PAPPA: variants seen among roughly 807,000 people sequenced by gnomAD.
The protein encoded by PAPPA is pappalysin 1, also known as pappalysin-1.
Under a neutral mutation model 164.0 loss-of-function variants are expected in PAPPA, and 60 were observed. That is an observed-to-expected ratio of 0.37 (90% CI 0.30 to 0.45). The LOEUF (loss-of-function observed/expected upper bound fraction) is 0.45. Ranked by LOEUF, PAPPA falls within the 20% of genes least tolerant of loss-of-function variation. The pLI is 1.00. For synonymous variants in PAPPA, 875 were observed against 814.1 expected (o/e 1.07, Z -1.27); for missense variants, 1,782 against 2,087.3 (o/e 0.85, Z 2.85).
chr9:116,261,944 G>A (rs1306088566), intron 7 of PAPPA, among the ~76,000 whole-genome samples: 3 of 151,818 alleles, frequency 2.0e-5, no homozygotes, highest in African/African-American at 7.3e-5. Context: ...CAGGCACAGT[G>A]GCTCATGCCT....
At chr9:116,264,119 T>A (rs144357157) in intron 7 of PAPPA, among the ~76,000 whole-genome samples, 1 of 152,186 alleles carries the variant, frequency 6.6e-6, no homozygotes, top group African/African-American at 2.4e-5. Context: ...ATTTATCATG[T>A]AACTTTGTGT....
chr9:116,289,066 C>T (rs1845380968), intron 9 of PAPPA, among the ~76,000 whole-genome samples: 1 of 148,732 alleles, frequency 6.7e-6, no homozygotes, highest in African/African-American at 2.5e-5. Context: ...TATGCATGCC[C>T]TATCAGAATG....
chr9:116,220,094 G>A lies in PAPPA; in HGVS notation c.2076G>A (p.Glu692=), dbSNP rs1181675496. 5.6e-6 allele frequency: 9 copies of A among 1,613,890 alleles called. No homozygotes were observed. Among genetic ancestry groups the A allele is most frequent in the Non-Finnish European group, 7.6e-6 (9 of 1,180,000 alleles). Residue 692 remains glutamate (E), a synonymous_variant, in exon 5 of 22, where the codon GAG becomes GAA. Coordinates refer to ENST00000328252, the MANE Select transcript of PAPPA (RefSeq NM_002581.5). ...ACACAACGGACTCTGTGACACTGGA[G>A]TGGTTCCCACCTATAGATGGCCATT... is the stretch of plus-strand genomic sequence containing the variant. ...LGHTTDSVTL[E]WFPPIDGHFF...
chr9:116,235,249 T>C lies in PAPPA; in HGVS notation c.2344T>C (p.Tyr782His). The C allele has an allele frequency of 1.2e-6, 2 of 1,614,166 alleles. No individual in the cohort carries two copies. Among genetic ancestry groups the C allele is most frequent in the Non-Finnish European group, 1.7e-6 (2 of 1,180,012 alleles). ...AGCCTGCCCTGAGCCTCAAGGCTGC[T>C]ACCTCGAGCTGGAGTTCCTCTACCC... ...PPACPEPQGC[Y>H]LELEFLYPLV... The change falls in exon 7 of 22, where the codon TAC (tyrosine) becomes CAC (histidine). Residue 782 changes from tyrosine to histidine, a missense_variant. Around this residue, in one of 2 missense-constraint regions of PAPPA, gnomAD observed 1,324 missense variants for 1,656.9 expected, o/e 0.80. Coordinates refer to ENST00000328252, the MANE Select transcript of PAPPA (RefSeq NM_002581.5).
At chr9:116,390,726 C>T (rs1387764506) in intron 21 of PAPPA, among the ~76,000 whole-genome samples, 2 of 152,066 alleles carry the variant, frequency 1.3e-5, no homozygotes, top group Non-Finnish European at 2.9e-5. Flanking sequence ...GTAGCCCTGA[C>T]TTTTTCCTTA....
chr9:116,319,366 G>A (rs901185142), intron 10 of PAPPA, among the ~76,000 whole-genome samples: 3 of 152,184 alleles, frequency 2.0e-5, no homozygotes, highest in African/African-American at 4.8e-5. Flanking sequence ...GAAGGGACTC[G>A]GCCCAATGCC....
chr9:116,175,407 G>A lies in PAPPA; in HGVS notation c.416-11747G>A, dbSNP rs138334643. ...GTTCTCACCACAAAAATTCTAATAAGCATGTAAGATAATGCATACTTAATT... is the reference window on the plus strand; with the variant it reads ...GTTCTCACCACAAAAATTCTAATAAACATGTAAGATAATGCATACTTAATT... On this transcript the variant is annotated intron_variant, in intron 1 of 21. Coordinates refer to ENST00000328252, the MANE Select transcript of PAPPA (RefSeq NM_002581.5). Among the ~76,000 whole-genome samples, 337 of 152,242 alleles carry A rather than the reference G, an allele frequency of 2.2e-3. 4 individuals are homozygous for A. Among genetic ancestry groups the A allele is most frequent in the African/African-American group, 7.7e-3 (319 of 41,552 alleles).
chr9:116,287,716 A>G (rs1261458417), intron 9 of PAPPA: 1 of 152,210 alleles, frequency 6.6e-6, no homozygotes, highest in Non-Finnish European at 1.5e-5. Context: ...CTTCAGGTTA[A>G]GCATCTTCAT....
At chr9:116,334,584 G>T (rs919518457) in intron 12 of PAPPA, among the ~76,000 whole-genome samples, 1 of 152,138 alleles carries the variant, frequency 6.6e-6, no homozygotes, top group African/African-American at 2.4e-5. Context: ...CTTGGCTGAG[G>T]GGTGGCCATT....
intron 21 of PAPPA, among the ~76,000 whole-genome samples, 173 bp from the exon 22 acceptor site, chr9:116,396,336 A>G (rs1426151818): frequency 2.6e-5 from 4 of 152,216 alleles, no homozygotes; most frequent in Admixed American, 1.3e-4. Context: ...TGCTGTGATT[A>G]TGATCATGGT....
chr9:116,384,504 T>G (rs1411724115), intron 21 of PAPPA, among the ~76,000 whole-genome samples: 1 of 152,130 alleles, frequency 6.6e-6, no homozygotes, highest in Non-Finnish European at 1.5e-5. Flanking sequence ...GCTGTATTTT[T>G]TGCTGCATTG....
chr9:116,267,678 C>G (rs1845084130), intron 8 of PAPPA, among the ~76,000 whole-genome samples: 1 of 151,692 alleles, frequency 6.6e-6, no homozygotes, highest in South Asian at 2.1e-4. Context: ...TCGAGACCAT[C>G]CTGGCTAACA....
intron 1 of PAPPA, among the ~76,000 whole-genome samples, chr9:116,174,939 AT>A (rs756725412): frequency 2.6e-5 from 4 of 151,922 alleles, no homozygotes; most frequent in Admixed American, 2.0e-4. Flanking sequence ...CCAAATAGAA[AT>A]TTTTTTCTCT....
chr9:116,355,599 C>T (rs774042400), intron 17 of PAPPA, among the ~76,000 whole-genome samples: 7 of 152,200 alleles, frequency 4.6e-5, no homozygotes, highest in Non-Finnish European at 7.3e-5. Context: ...GCTTCCCCCT[C>T]ACTCCCTTAC....
chr9:116,308,293 A>G (rs145239240), intron 10 of PAPPA, among the ~76,000 whole-genome samples: 42 of 152,180 alleles, frequency 2.8e-4, no homozygotes, highest in Non-Finnish European at 5.3e-4. Flanking sequence ...AAGAAACCAC[A>G]CTGCTATCAG....
At position 116,382,455 on chromosome 9, in the gene PAPPA, G is replaced by C; in HGVS notation, c.4738G>C (p.Gly1580Arg). The C allele has an allele frequency of 6.2e-7, 1 of 1,613,710 alleles. No individual in the cohort carries two copies. Among genetic ancestry groups the C allele is most frequent in the Non-Finnish European group, 8.5e-7 (1 of 1,179,762 alleles). The change falls in exon 21 of 22, where the codon GGT becomes CGT. Residue 1580 changes from glycine to arginine, a missense_variant. This residue lies in a region of PAPPA where 1,324 missense variants were observed against 1,656.9 expected (regional missense o/e 0.80). Transcript: ENST00000328252. The part of the protein sequence containing the change: ...INNRAFCNYD[G>R]GDCCTSTVKT... ...CAACCGAGCCTTTTGCAACTATGAC[G>C]GTGGGGATTGCTGCACCTCCACAGT...
At position 116,187,984 on chromosome 9, in the gene PAPPA, A is replaced by G. The variant is rs779651156; in HGVS notation, c.1246A>G (p.Ile416Val). The G allele has an allele frequency of 1.2e-6, 2 of 1,614,196 alleles. No individual in the cohort carries two copies. The highest frequency in any genetic ancestry group is 1.1e-5 in the South Asian group (1 of 91,082). Residue 416 changes from isoleucine (I) to valine (V), a missense_variant, in exon 2 of 22, where the codon ATC becomes GTC. Ile to Val is a conservative substitution (Grantham distance 29, BLOSUM62 3). Around this residue, in one of 2 missense-constraint regions of PAPPA, gnomAD observed 1,324 missense variants for 1,656.9 expected, o/e 0.80. Coordinates refer to ENST00000328252, the MANE Select transcript of PAPPA (RefSeq NM_002581.5). This position sits in a 1 kb window ranked among gnomAD's most constrained non-coding sequence, Gnocchi z 4.2. ...RRRLILANCD[I>V]SKIGDENCDP... ...CCGCCTCATCCTGGCCAACTGTGAC[A>G]TCAGCAAGATTGGGGATGAGAACTG... is the stretch of plus-strand genomic sequence containing the variant.
intron 9 of PAPPA, among the ~76,000 whole-genome samples, chr9:116,299,283 T>G (rs887795649): frequency 3.3e-5 from 5 of 152,210 alleles, no homozygotes; most frequent in Non-Finnish European, 7.3e-5. Context: ...TATTTTTCTG[T>G]CTTTTAACTC....
chr9:116,363,701 T>G (rs918323128), intron 18 of PAPPA, among the ~76,000 whole-genome samples: 1 of 152,154 alleles, frequency 6.6e-6, no homozygotes, highest in Non-Finnish European at 1.5e-5. Context: ...GGGTGTCTGG[T>G]GTAGAAGGTT....
Sources: allele counts gnomAD v4.1 joint callset (sites outside exome capture counted in the v4.1 genomes callset), GRCh38; gene constraint gnomAD v4.1.1; regional missense constraint gnomAD v4.1.1; non-coding constraint Gnocchi (gnomAD v3.1); transcripts MANE v1.5; gene names NCBI Gene and HGNC (gene_info 2026-07-23, HGNC 2026-07-21).